CAMSAP2: variants seen among roughly 807,000 people sequenced by gnomAD.
The protein encoded by CAMSAP2 is calmodulin regulated spectrin associated protein family member 2.
In CAMSAP2, 26 loss-of-function variants were observed where a neutral mutation model predicts 146.1. The observed-to-expected ratio is 0.18, with a 90% CI of 0.13 to 0.25. The LOEUF (loss-of-function observed/expected upper bound fraction) is 0.25. CAMSAP2 is among the 10% of genes least tolerant of loss of function. The probability of loss-of-function intolerance (pLI) is 1.00; values close to 1 mark genes in which losing one functional copy is unlikely to be tolerated. For missense variants in CAMSAP2, 1,381 were observed against 1,759.3 expected (o/e 0.78, Z 3.85); for synonymous variants, 499 against 596.6 (o/e 0.84, Z 2.38).
At chr1:200,815,686 A>G (rs922688360) in intron 4 of CAMSAP2, 42 bp downstream of exon 4, 5 of 966,258 alleles carry the variant, frequency 5.2e-6, no homozygotes, top group Non-Finnish European at 6.1e-6. Flanking sequence ...ATGAGACTGT[A>G]TATATGTTCA....
At chr1:200,772,663 G>A (rs1665151673) in intron 2 of CAMSAP2, among the ~76,000 whole-genome samples, 1 of 152,080 alleles carries the variant, frequency 6.6e-6, no homozygotes, top group Non-Finnish European at 1.5e-5. Flanking sequence ...TAGTTAAATT[G>A]CTTTATCTTA....
At chr1:200,841,622 T>C (rs749907097) in intron 6 of CAMSAP2, among the ~76,000 whole-genome samples, 39 of 152,230 alleles carry the variant, frequency 2.6e-4, no homozygotes, top group Non-Finnish European at 5.3e-4. Flanking sequence ...AGCTTAGTTA[T>C]GTTTTGAAAG....
At chr1:200,747,636 G>T (rs181641000) in intron 1 of CAMSAP2, among the ~76,000 whole-genome samples, 415 of 152,276 alleles carry the variant, frequency 2.7e-3, no homozygotes, top group African/African-American at 9.2e-3. Context: ...GGGCTGTAGC[G>T]TCATTTCTCT....
At chr1:200,793,316 T>A (rs1665803152) in intron 2 of CAMSAP2, among the ~76,000 whole-genome samples, 1 of 152,182 alleles carries the variant, frequency 6.6e-6, no homozygotes, top group African/African-American at 2.4e-5. Flanking sequence ...GAAAGATCAG[T>A]AAACGTTAGC....
intron 1 of CAMSAP2, among the ~76,000 whole-genome samples, chr1:200,759,239 C>CT (rs931203229): frequency 2.0e-5 from 3 of 149,156 alleles, no homozygotes; most frequent in East Asian, 3.9e-4. Flanking sequence ...TAGAAAGGCT[C>CT]TTTTTTTTCT....
At chr1:200,781,528 T>C (rs933679924) in intron 2 of CAMSAP2, among the ~76,000 whole-genome samples, 5 of 149,612 alleles carry the variant, frequency 3.3e-5, no homozygotes, top group Non-Finnish European at 7.5e-5. Flanking sequence ...TGTATACTGT[T>C]TTTTTGTTGT....
intron 8 of CAMSAP2, 130 bp downstream of exon 8, chr1:200,844,999 C>G: frequency 2.1e-6 from 1 of 471,838 alleles, no homozygotes; most frequent in Non-Finnish European, 3.7e-6. Flanking sequence ...AATTAGCTTA[C>G]CCTATTAAAG....
chr1:200,757,285 G>C (rs1664679110), intron 1 of CAMSAP2, among the ~76,000 whole-genome samples: 1 of 152,182 alleles, frequency 6.6e-6, no homozygotes, highest in Non-Finnish European at 1.5e-5. Context: ...AGCTAACCCA[G>C]TTTTATAGAA....
Position 200,854,850 on chromosome 1 carries a change from G to A in CAMSAP2, c.3857G>A (p.Gly1286Asp). ...CTTTCTTTGGCATCGCTGAACACGG[G>A]TGATAACGAGAGTGTACATTCAGGC... ...SSLSLASLNT[G>D]DNESVHSGKR... The change falls in exon 14 of 17, where the codon GGT becomes GAT. Residue 1286 changes from glycine (G) to aspartate (D), a missense_variant. Around this residue, in one of 4 missense-constraint regions of CAMSAP2, gnomAD observed 560 missense variants for 715.9 expected, o/e 0.78. Coordinates refer to ENST00000358823, the MANE Select transcript of CAMSAP2 (RefSeq NM_203459.4). 1 of 1,612,388 alleles carries A rather than the reference G, an allele frequency of 6.2e-7. No individual in the cohort carries two copies. Among genetic ancestry groups the A allele is most frequent in the Non-Finnish European group, 8.5e-7 (1 of 1,179,182 alleles).
At chr1:200,797,903 T>C (rs1335942113) in intron 2 of CAMSAP2, among the ~76,000 whole-genome samples, 3 of 151,444 alleles carry the variant, frequency 2.0e-5, no homozygotes, top group South Asian at 4.2e-4. Context: ...TAGCCAGTTT[T>C]CCCAGCACCA....
At chr1:200,751,528 T>A (rs1664505890) in intron 1 of CAMSAP2, among the ~76,000 whole-genome samples, 1 of 83,068 alleles carries the variant, frequency 1.2e-5, no homozygotes. Flanking sequence ...AGAGTGAGAC[T>A]CCATCTCAAA....
At chr1:200,838,352 T>G (rs1198341474) in intron 6 of CAMSAP2, among the ~76,000 whole-genome samples, 1 of 152,200 alleles carries the variant, frequency 6.6e-6, no homozygotes, top group Non-Finnish European at 1.5e-5. Context: ...AAACCAATTT[T>G]ATACTTTGGC....
intron 8 of CAMSAP2, among the ~76,000 whole-genome samples, 172 bp from the exon 9 acceptor site, chr1:200,847,038 A>T (rs1204960051): frequency 6.6e-6 from 1 of 152,214 alleles, no homozygotes; most frequent in Non-Finnish European, 1.5e-5. Flanking sequence ...AAATATATAT[A>T]GATACATACT....
intron 4 of CAMSAP2, among the ~76,000 whole-genome samples, chr1:200,816,274 C>T (rs549563347): frequency 2.9e-4 from 38 of 132,466 alleles, no homozygotes; most frequent in Non-Finnish European, 3.1e-4. Flanking sequence ...GGGGACAGAG[C>T]GAGACTCCAT....
chr1:200,830,267 C>T lies in CAMSAP2; in HGVS notation c.646-1933C>T, dbSNP rs1055971762. Among the ~76,000 whole-genome samples, 4 of 152,258 alleles carry T rather than the reference C, an allele frequency of 2.6e-5. No homozygotes were observed. The East Asian group carries it at 7.7e-4, about 29-fold the overall frequency. ...TTCATAATTCTCTGTCTAGTCTAAA[C>T]CATAGATACTTATTGCTAATGTCAT... On this transcript the variant is annotated intron_variant, in intron 4 of 16. Coordinates refer to ENST00000358823, the MANE Select transcript of CAMSAP2 (RefSeq NM_203459.4).
chr1:200,849,843 A>G lies in CAMSAP2; in HGVS notation c.3074A>G (p.Asp1025Gly), dbSNP rs776204227. ...QTRSFVCFGD[D>G]GEPQLKESKP... ...AGGTCATTTGTATGTTTTGGGGATG[A>G]TGGAGAACCTCAGTTAAAGGAATCC... Residue 1025 changes from aspartate (D) to glycine (G), a missense_variant, in exon 11 of 17, where the codon GAT (aspartate) becomes GGT (glycine). Asp to Gly is a moderately conservative substitution (Grantham distance 94). Coordinates refer to ENST00000358823, the MANE Select transcript of CAMSAP2 (RefSeq NM_203459.4). The surrounding 1 kb of genome is among the most constrained non-coding windows in gnomAD (Gnocchi z 6.3). The G allele has an allele frequency of 6.2e-7, 1 of 1,614,214 alleles. No homozygotes were observed. Among genetic ancestry groups the G allele is most frequent in the South Asian group, 1.1e-5 (1 of 91,082 alleles).
At chr1:200,822,324 T>A (rs1387877094) in intron 4 of CAMSAP2, among the ~76,000 whole-genome samples, 1 of 152,210 alleles carries the variant, frequency 6.6e-6, no homozygotes, top group Admixed American at 6.5e-5. Context: ...ACTGTATCAT[T>A]TATGTTCCCA....
chr1:200,837,075 G>A (rs1667203999), intron 6 of CAMSAP2, among the ~76,000 whole-genome samples: 2 of 152,056 alleles, frequency 1.3e-5, no homozygotes, highest in South Asian at 2.1e-4. Flanking sequence ...CTTTTGCTGT[G>A]CAGAAGCTTT....
At chr1:200,820,722 C>T (rs1026836555) in intron 4 of CAMSAP2, among the ~76,000 whole-genome samples, 1 of 152,160 alleles carries the variant, frequency 6.6e-6, no homozygotes, top group African/African-American at 2.4e-5. Flanking sequence ...AAGTAAAATA[C>T]ATTTGGGAAA....
Sources: gnomAD v4.1 joint callset for allele counts (sites outside exome capture counted in the v4.1 genomes callset) on GRCh38, gnomAD v4.1.1 for gene constraint, gnomAD v4.1.1 regional missense constraint, Gnocchi (gnomAD v3.1) non-coding constraint, MANE v1.5 for transcripts, NCBI Gene and HGNC (gene_info 2026-07-23, HGNC 2026-07-21) for gene names.